Variants in SYT16 observed in about 807,000 individuals in gnomAD.
The protein encoded by SYT16 is synaptotagmin-16.
In SYT16, 42 loss-of-function variants were observed where a neutral mutation model predicts 61.4. The ratio of observed to expected loss-of-function variants is 0.68; its 90% CI spans 0.53 to 0.89. SYT16 has a LOEUF of 0.89. SYT16 is among the 40% of genes least tolerant of loss of function. SYT16 has a pLI of 0.00. For missense variants in SYT16, 804 were observed against 807.3 expected (o/e 1.00, Z 0.05); for synonymous variants, 314 against 302.3 (o/e 1.04, Z -0.40).
intron 1 of SYT16, among the ~76,000 whole-genome samples, chr14:61,947,056 G>C (rs1594981799): frequency 6.6e-6 from 1 of 152,074 alleles, no homozygotes; most frequent in East Asian, 1.9e-4. Context: ...CATTTGGTGA[G>C]TTGTTGGAGG....
chr14:62,067,741 G>A lies in SYT16; in HGVS notation c.524-1862G>A, dbSNP rs1595334977. Among the ~76,000 whole-genome samples the A allele has an allele frequency of 2.6e-5, 4 of 152,096 alleles. No individual in the cohort carries two copies. In the East Asian group the frequency reaches 5.8e-4, roughly 22 times the overall value. On this transcript the variant is annotated intron_variant, in intron 3 of 7. Coordinates refer to ENST00000683842, the MANE Select transcript of SYT16 (RefSeq NM_001367656.1). Reference sequence around the variant, plus strand: ...ATAGGCTGGGGGCATGGTGGCTCACGCCTGTAATCCCAACACTTTGGGAGG... The same window carrying A: ...ATAGGCTGGGGGCATGGTGGCTCACACCTGTAATCCCAACACTTTGGGAGG...
rs576737599 is a variant in SYT16, at chr14:61,978,657, C to A, written c.-145+8346C>A. Among the ~76,000 whole-genome samples the A allele has an allele frequency of 2.6e-5, 4 of 152,276 alleles. No individual in the cohort carries two copies. The East Asian group carries it at 7.7e-4, about 29-fold the overall frequency. On this transcript the variant is annotated intron_variant, in intron 2 of 7. Transcript: ENST00000683842. ...AAAGGGGTAGACCTATTGTTAAGTT[C>A]CCCTTTTAAGTCAGGGAGGGAAGTG...
At position 62,109,018 on chromosome 14, in the gene SYT16, C is replaced by T. The variant is rs889412028; in HGVS notation, c.*8311C>T. Reference sequence around the variant, plus strand: ...ATATTTGTTACAACTGATGAACCTTCATTGACATAACATTATCACCCAAAG... The same window carrying T: ...ATATTTGTTACAACTGATGAACCTTTATTGACATAACATTATCACCCAAAG... On this transcript the variant is annotated 3_prime_UTR_variant, in exon 8 of 8. Coordinates refer to ENST00000683842, the MANE Select transcript of SYT16 (RefSeq NM_001367656.1). 1.3e-5 allele frequency: 2 copies of T among 152,216 alleles called. No homozygotes were observed. The highest frequency in any genetic ancestry group is 3.8e-4 in the East Asian group (2 of 5,200). 9.4% of individuals were successfully genotyped at this position (152,216 alleles called of 1,614,324 possible).
intron 2 of SYT16, among the ~76,000 whole-genome samples, chr14:61,986,426 TA>T (rs1203648409): frequency 6.7e-6 from 1 of 150,058 alleles, no homozygotes; most frequent in Non-Finnish European, 1.5e-5. Flanking sequence ...GGTACTTTTT[TA>T]TTTTTTATTT....
chr14:61,842,223 A>G (rs2046319713), intron 1 of SYT16, among the ~76,000 whole-genome samples: 1 of 152,196 alleles, frequency 6.6e-6, no homozygotes, highest in Admixed American at 6.5e-5. Flanking sequence ...ATGTACAATT[A>G]TTATTAACTG....
At chr14:61,882,994 T>C (rs1011706590) in intron 1 of SYT16, among the ~76,000 whole-genome samples, 2 of 152,218 alleles carry the variant, frequency 1.3e-5, no homozygotes, top group African/African-American at 4.8e-5. Context: ...GTCTGAGCTG[T>C]ACCTTTGTCC....
intron 7 of SYT16, among the ~76,000 whole-genome samples, chr14:62,091,828 A>G (rs1415248605): frequency 2.0e-5 from 3 of 152,220 alleles, no homozygotes; most frequent in African/African-American, 4.8e-5. Context: ...ACAAATGCAT[A>G]GGCAACAAAA....
chr14:61,847,610 G>A (rs1246758007), intron 1 of SYT16, among the ~76,000 whole-genome samples: 1 of 151,942 alleles, frequency 6.6e-6, no homozygotes, highest in Non-Finnish European at 1.5e-5. Flanking sequence ...TCTAGGTTTG[G>A]GAAGTTCTCT....
At chr14:61,867,419 C>T (rs911771177) in intron 1 of SYT16, among the ~76,000 whole-genome samples, 1 of 151,960 alleles carries the variant, frequency 6.6e-6, no homozygotes, top group Non-Finnish European at 1.5e-5. Context: ...TTTTCTCATG[C>T]GGTTTGTGAG....
At chr14:61,972,945 T>A (rs1595055105) in intron 2 of SYT16, among the ~76,000 whole-genome samples, 1 of 152,314 alleles carries the variant, frequency 6.6e-6, no homozygotes, top group East Asian at 1.9e-4. Flanking sequence ...CATAGCAACT[T>A]CTTCTCTAGC....
intron 3 of SYT16, among the ~76,000 whole-genome samples, chr14:61,996,789 CG>C (rs963510580): frequency 6.6e-6 from 1 of 151,958 alleles, no homozygotes; most frequent in African/African-American, 2.4e-5. Flanking sequence ...TGGTGAAAAA[CG>C]AGTCTGTGGA....
intron 1 of SYT16, among the ~76,000 whole-genome samples, chr14:61,966,270 ATG>A: frequency 6.6e-6 from 1 of 152,194 alleles, no homozygotes; most frequent in East Asian, 1.9e-4. Flanking sequence ...CAATCTGTGA[ATG>A]TTTTTACATT....
intron 3 of SYT16, among the ~76,000 whole-genome samples, chr14:62,027,292 A>G (rs2054137915): frequency 2.0e-5 from 3 of 152,148 alleles, no homozygotes; most frequent in African/African-American, 4.8e-5. Context: ...TGCTTTCCAA[A>G]ATGAATGTAG....
At chr14:61,902,994 A>T (rs941788009) in intron 1 of SYT16, among the ~76,000 whole-genome samples, 3 of 152,248 alleles carry the variant, frequency 2.0e-5, no homozygotes, top group African/African-American at 7.2e-5. Context: ...GTGGGGACAC[A>T]GTCAAATCAT....
At chr14:62,056,246 A>G (rs2055549021) in intron 3 of SYT16, among the ~76,000 whole-genome samples, 1 of 152,142 alleles carries the variant, frequency 6.6e-6, no homozygotes, top group Middle Eastern at 3.2e-3. Flanking sequence ...GGTCTGCAAA[A>G]TCCAGCTTGG....
intron 3 of SYT16, among the ~76,000 whole-genome samples, chr14:62,003,052 C>T (rs1318916415): frequency 6.6e-6 from 1 of 151,996 alleles, no homozygotes; most frequent in Non-Finnish European, 1.5e-5. Context: ...CCCTTTGGGT[C>T]CCTCCCACCA....
intron 7 of SYT16, among the ~76,000 whole-genome samples, chr14:62,099,976 C>T (rs905795280): frequency 6.6e-6 from 1 of 152,074 alleles, no homozygotes; most frequent in African/African-American, 2.4e-5. Context: ...AAGAATTCTC[C>T]AATTCAGGCA....
chr14:62,111,053 TTTTA>T lies in SYT16; in HGVS notation c.*10350_*10353del, dbSNP rs1243600132. On this transcript the variant is annotated 3_prime_UTR_variant, in exon 8 of 8. Transcript: ENST00000683842. ...GTACATCCAAGATTTCATAGCAATA[TTTTA>T]TTTGTGTTCACAGTGCAAGATAAAT... The T allele has an allele frequency of 6.6e-6, 1 of 152,090 alleles. No homozygotes were observed. The highest frequency in any genetic ancestry group is 1.5e-5 in the Non-Finnish European group (1 of 67,944). The allele number at this position is 152,090 out of a possible 1,614,324, so 9.4% of individuals were successfully genotyped here.
intron 7 of SYT16, among the ~76,000 whole-genome samples, chr14:62,094,811 T>C (rs2057212694): frequency 6.6e-6 from 1 of 151,998 alleles, no homozygotes. Flanking sequence ...AGGAGAGATG[T>C]CAATAGGCTC....
Sources: gnomAD v4.1 joint callset for allele counts (sites outside exome capture counted in the v4.1 genomes callset) on GRCh38, gnomAD v4.1.1 for gene constraint, MANE v1.5 for transcripts, NCBI Gene and HGNC (gene_info 2026-07-23, HGNC 2026-07-21) for gene names.